HDAC9: variants seen among roughly 807,000 people sequenced by gnomAD.
The protein encoded by HDAC9 is histone deacetylase 9, also known as MEF-2 interacting transcription repressor (MITR) protein.
Under a neutral mutation model 139.4 loss-of-function variants are expected in HDAC9, and 41 were observed. The observed-to-expected ratio is 0.29, with a 90% confidence interval of 0.23 to 0.38. The LOEUF is 0.38. Among genes scored for constraint, HDAC9 ranks in the 10% least tolerant of loss-of-function variants. HDAC9 has a pLI of 1.00. For missense variants in HDAC9, 1,147 were observed against 1,297.0 expected (o/e 0.88, Z 1.78); for synonymous variants, 517 against 476.2 (o/e 1.09, Z -1.12).
chr7:18,846,540 G>A (rs564326278), intron 21 of HDAC9, among the ~76,000 whole-genome samples: 58 of 152,296 alleles, frequency 3.8e-4, no homozygotes, highest in South Asian at 1.0e-3. Context: ...AATTACATCA[G>A]AAACAGTATA....
intron 24 of HDAC9, among the ~76,000 whole-genome samples, chr7:18,965,305 G>A (rs1563091161): frequency 6.6e-6 from 1 of 151,376 alleles, no homozygotes; most frequent in Non-Finnish European, 1.5e-5. Context: ...TTCAAAAAAA[G>A]GTTGGTTTCT....
intron 1 of HDAC9, among the ~76,000 whole-genome samples, chr7:18,447,601 TAA>T: frequency 6.6e-6 from 1 of 152,364 alleles, no homozygotes; most frequent in South Asian, 2.1e-4. Flanking sequence ...ATTTAATTTA[TAA>T]AGTTGAGATT....
At chr7:18,162,538 T>C (rs1396702495) in intron 2 of HDAC9, 3 of 590,334 alleles carry the variant, frequency 5.1e-6, no homozygotes, top group South Asian at 2.0e-5. Flanking sequence ...GTTTGCTTCC[T>C]GGACAACTGA....
chr7:18,450,118 C>T (rs1280367436), intron 1 of HDAC9, among the ~76,000 whole-genome samples: 1 of 152,160 alleles, frequency 6.6e-6, no homozygotes, highest in Non-Finnish European at 1.5e-5. Context: ...ACTAAGATAT[C>T]AATGCCTGGC....
At chr7:18,782,298 A>G (rs1347933137) in intron 16 of HDAC9, among the ~76,000 whole-genome samples, 1 of 152,118 alleles carries the variant, frequency 6.6e-6, no homozygotes, top group Admixed American at 6.6e-5. Flanking sequence ...CAATAGTATT[A>G]TATTTAACTC....
chr7:18,166,925 C>A (rs780840808), intron 2 of HDAC9, among the ~76,000 whole-genome samples: 65 of 152,218 alleles, frequency 4.3e-4, no homozygotes, highest in Admixed American at 2.4e-3. Flanking sequence ...AGTCTTAGGG[C>A]AAATCAAATA....
At chr7:18,748,966 T>C (rs1178164) in intron 13 of HDAC9, 39 bp from the exon 14 acceptor site, 411,135 of 1,589,456 alleles carry the variant, frequency 0.26, 63,512 homozygotes, top group East Asian at 0.7. Context: ...TATCTTGTAC[T>C]GTTACTCAAT....
chr7:18,591,614 G>A lies in HDAC9; in HGVS notation c.514G>A (p.Val172Met), dbSNP rs369824636. The change falls in exon 5 of 26, where the codon GTG becomes ATG. Residue 172 changes from valine to methionine, a missense_variant. By Grantham distance (21) the Val-to-Met change is conservative (BLOSUM62 1). Transcript: ENST00000686413. ...TCCAACTAATGGAAAAAATCATTCCGTGAGCCGCCATCCCAAGCTCTGGTA... is the reference window on the plus strand; with the variant it reads ...TCCAACTAATGGAAAAAATCATTCCATGAGCCGCCATCCCAAGCTCTGGTA... ...DTPTNGKNHS[V>M]SRHPKLWYTA... 54 of 1,613,256 alleles carry A rather than the reference G, an allele frequency of 3.3e-5. 1 individual carries two copies. In the South Asian group the frequency reaches 4.0e-4, roughly 12 times the overall value.
intron 1 of HDAC9, among the ~76,000 whole-genome samples, chr7:18,124,259 A>G (rs1306105220): frequency 1.3e-5 from 2 of 152,192 alleles, no homozygotes; most frequent in East Asian, 3.9e-4. Context: ...AATGTTATCT[A>G]TGTCTTTTAC....
intron 1 of HDAC9, among the ~76,000 whole-genome samples, chr7:18,375,646 C>T (rs932803222): frequency 3.3e-5 from 5 of 152,140 alleles, no homozygotes; most frequent in Admixed American, 6.5e-5. Context: ...TGCTGCAGTC[C>T]AGTGTGCTCT....
chr7:18,426,481 A>G (rs1790128133), intron 1 of HDAC9, among the ~76,000 whole-genome samples: 1 of 152,188 alleles, frequency 6.6e-6, no homozygotes, highest in Non-Finnish European at 1.5e-5. Flanking sequence ...AATTGGCGCA[A>G]ATTATTTACA....
At chr7:18,194,706 TAAAC>T (rs1489536008) in intron 2 of HDAC9, among the ~76,000 whole-genome samples, 1 of 152,236 alleles carries the variant, frequency 6.6e-6, no homozygotes, top group Non-Finnish European at 1.5e-5. Context: ...ATACATTAAA[TAAAC>T]AGGCAAACAG....
intron 2 of HDAC9, among the ~76,000 whole-genome samples, chr7:18,187,181 CA>C (rs770217881): frequency 8.5e-5 from 13 of 152,200 alleles, no homozygotes; most frequent in Non-Finnish European, 1.6e-4. Context: ...TAAAGGCGGG[CA>C]AAAATGAAAT....
chr7:18,480,030 C>A (rs1472291325), intron 1 of HDAC9, among the ~76,000 whole-genome samples: 6 of 144,966 alleles, frequency 4.1e-5, no homozygotes, highest in African/African-American at 1.5e-4. Context: ...TCTAGCAGAA[C>A]CTTTTCCTCC....
intron 1 of HDAC9, among the ~76,000 whole-genome samples, chr7:18,125,888 ACT>A (rs1387503864): frequency 6.6e-6 from 1 of 152,044 alleles, no homozygotes; most frequent in Non-Finnish European, 1.5e-5. Context: ...ATGTGAAAAC[ACT>A]CTTACTTTGT....
chr7:18,154,347 C>T (rs1584359685), intron 1 of HDAC9, among the ~76,000 whole-genome samples: 1 of 152,078 alleles, frequency 6.6e-6, no homozygotes. Context: ...AATTAGATAC[C>T]TGCTGTAACC....
chr7:18,303,425 T>TGTGTGTGTGTGTGTG (rs1554364291), intron 1 of HDAC9, among the ~76,000 whole-genome samples: 1 of 69,126 alleles, frequency 1.4e-5, no homozygotes. Flanking sequence ...GTGTGTGTGT[T>TGTGTGTGTGTGTGTG]TTTAGTAGAG....
intron 2 of HDAC9, among the ~76,000 whole-genome samples, chr7:18,574,357 G>A (rs2128751891): frequency 6.6e-6 from 1 of 152,352 alleles, no homozygotes; most frequent in Admixed American, 6.5e-5. Context: ...CCCATCCTCT[G>A]CCTCAGTCTG....
At chr7:18,446,370 C>CG (rs35680186) in intron 1 of HDAC9, among the ~76,000 whole-genome samples, 3,413 of 151,970 alleles carry the variant, frequency 0.022, 38 homozygotes, top group South Asian at 0.031. Context: ...CATGCCTAGT[C>CG]GGGGGGTGGG....
Sources: gnomAD v4.1 joint callset for allele counts (sites outside exome capture counted in the v4.1 genomes callset) on GRCh38, gnomAD v4.1.1 for gene constraint, MANE v1.5 for transcripts, NCBI Gene and HGNC (gene_info 2026-07-23, HGNC 2026-07-21) for gene names.